The following PSG3 variants were observed in gnomAD, a reference collection of about 807,000 sequenced individuals.
PSG3 encodes pregnancy specific beta-1-glycoprotein 3, also known as pregnancy-specific beta-1-glycoprotein 3.
Under a neutral mutation model 47.5 loss-of-function variants are expected in PSG3, and 61 were observed. The observed-to-expected ratio is 1.28, with a 90% CI of 1.05 to 1.59. PSG3 has a LOEUF of 1.59. Ranked by LOEUF, PSG3 falls within the 40% of genes most tolerant of loss-of-function variation. The probability of loss-of-function intolerance (pLI) is 0.00; values close to 1 mark genes in which losing one functional copy is unlikely to be tolerated. For synonymous variants in PSG3, 263 were observed against 198.4 expected (o/e 1.33, Z -2.74); for missense variants, 756 against 524.0 (o/e 1.44, Z -4.32).
chr19:42,736,333 C>T (rs531042681), intron 2 of PSG3, among the ~76,000 whole-genome samples: 1 of 152,162 alleles, frequency 6.6e-6, no homozygotes, highest in Non-Finnish European at 1.5e-5. Flanking sequence ...ACCGGCTGAC[C>T]TCATCCATAC....
In PSG3 at chr19:42,740,398, T is replaced by A. The variant is rs1568757889; in HGVS notation, c.-14A>T. ...GAGGGGCCCCATGGTCTCTGCTGCC[T>A]GCGTGTTCTCCTCTGTGGAGCTGAG... is the stretch of plus-strand genomic sequence containing the variant. On this transcript the variant is annotated 5_prime_UTR_variant, in exon 1 of 7. Transcript: ENST00000327495. The A allele has an allele frequency of 1.2e-6, 2 of 1,613,906 alleles. No homozygotes were observed. The highest frequency in any genetic ancestry group is 4.5e-5 in the East Asian group (2 of 44,888).
intron 2 of PSG3, among the ~76,000 whole-genome samples, 174 bp from the exon 3 acceptor site, chr19:42,733,236 G>T (rs1490672187): frequency 6.6e-6 from 1 of 152,104 alleles, no homozygotes; most frequent in African/African-American, 2.4e-5. Context: ...CTCAGAGATT[G>T]TGAGGCTGCC....
Position 42,726,195 on chromosome 19 carries a change from C to T in PSG3, c.1244-2170G>A, listed in dbSNP as rs142200101. 6.7e-3 allele frequency among the ~76,000 whole-genome samples: 1,025 copies of T among 152,204 alleles called. 16 individuals are homozygous for T. The highest frequency in any genetic ancestry group is 0.024 in the African/African-American group (984 of 41,532). On this transcript the variant is annotated intron_variant, in intron 5 of 6. Transcript: ENST00000327495. ...AACCCAATGCTAACATCATACTCAA[C>T]GGAGAAAGACTGAAAGCTTTCCCTG... is the stretch of plus-strand genomic sequence containing the variant.
intron 3 of PSG3, 50 bp downstream of exon 3, chr19:42,732,734 C>T (rs764329040): frequency 7.8e-5 from 126 of 1,613,942 alleles, no homozygotes; most frequent in African/African-American, 1.3e-4. Flanking sequence ...CCTCTGGCCA[C>T]GTGTATTTGG....
Position 42,739,006 on chromosome 19 carries a change from C to A in PSG3, c.148G>T (p.Asp50Tyr). 2 of 1,613,980 alleles carry A rather than the reference C, an allele frequency of 1.2e-6. No individual in the cohort carries two copies. The highest frequency in any genetic ancestry group is 1.7e-6 in the Non-Finnish European group (2 of 1,179,942). Residue 50 changes from aspartate to tyrosine, a missense_variant, in exon 2 of 7, where the codon GAC becomes TAC. Physicochemically the swap from Asp to Tyr is radical, Grantham distance 160 (BLOSUM62 -3). Transcript: ENST00000327495. ...AEPTKVSKGK[D>Y]VLLLVHNLPQ... ...AAATTGTGGACAAGTAGAAGAACGTCCTTCCCCTTGGAAACTTTGGTTGGC... is the reference window on the plus strand; with the variant it reads ...AAATTGTGGACAAGTAGAAGAACGTACTTCCCCTTGGAAACTTTGGTTGGC...
Position 42,724,037 on chromosome 19 carries a change from A to T in PSG3, c.1244-12T>A. On this transcript the variant is annotated splice_polypyrimidine_tract_variant and intron_variant, in intron 5 of 6. Transcript: ENST00000327495. ...TGTTCCTGAAGGAGCTGTCATGGAA[A>T]AAAAAGAAAAGAAGGAATGAAGATG... The T allele has an allele frequency of 1.2e-6, 2 of 1,608,442 alleles. No individual in the cohort carries two copies. Among genetic ancestry groups the T allele is most frequent in the Non-Finnish European group, 1.7e-6 (2 of 1,174,852 alleles).
chr19:42,726,756 A>G (rs942090817), intron 5 of PSG3, among the ~76,000 whole-genome samples: 6 of 152,178 alleles, frequency 3.9e-5, no homozygotes, highest in African/African-American at 1.4e-4. Flanking sequence ...TCAGAATCTC[A>G]GTGACATTTT....
intron 6 of PSG3, among the ~76,000 whole-genome samples, chr19:42,723,371 G>A (rs1969326584): frequency 6.6e-6 from 1 of 152,176 alleles, no homozygotes; most frequent in African/African-American, 2.4e-5. Flanking sequence ...AAGGGACAGG[G>A]GTGTGTAGGA....
At chr19:42,729,746 T>C (rs1195250063) in intron 4 of PSG3, 32 bp downstream of exon 4, 4 of 1,588,258 alleles carry the variant, frequency 2.5e-6, no homozygotes, top group Non-Finnish European at 2.6e-6. Context: ...TAAGCTGGTG[T>C]CCTGGCCCAC....
chr19:42,724,646 T>C (rs557247441), intron 5 of PSG3, among the ~76,000 whole-genome samples: 1 of 152,322 alleles, frequency 6.6e-6, no homozygotes, highest in East Asian at 1.9e-4. Context: ...GAATCAGCTC[T>C]GCATAGTGGT....
Position 42,729,152 on chromosome 19 carries a change from C to A in PSG3, c.1214G>T (p.Ser405Ile), listed in dbSNP as rs78863189. Residue 405 changes from serine to isoleucine, a missense_variant, in exon 5 of 7, where the codon AGC (serine) becomes ATC (isoleucine). Physicochemically the swap from Ser to Ile is moderately radical, Grantham distance 142. Transcript: ENST00000327495. The stretch of plus-strand genomic sequence containing the variant: ...GACTTTGACTGTCATGGATTTGGAG[C>A]TTTCCATGCCAGTGGCTGAGTTACG... ...SVRNSATGME[S>I]SKSMTVKVSA... is the part of the protein sequence containing the mutation. The A allele has an allele frequency of 0.053, 85,509 of 1,613,970 alleles. 2,716 individuals are homozygous for A. The highest frequency in any genetic ancestry group is 0.12 in the Admixed American group (7,121 of 60,018).
intron 2 of PSG3, among the ~76,000 whole-genome samples, chr19:42,737,298 A>AG (rs1969580974): frequency 6.6e-6 from 1 of 152,220 alleles, no homozygotes. Context: ...TCTGCATGCA[A>AG]ATTCAGTCTC....
At chr19:42,739,810 G>C (rs1352836463) in intron 1 of PSG3, among the ~76,000 whole-genome samples, 1 of 152,178 alleles carries the variant, frequency 6.6e-6, no homozygotes, top group Non-Finnish European at 1.5e-5. Context: ...GATTAATCAG[G>C]AAAACAGAAC....
Position 42,724,014 on chromosome 19 carries a change from T to C in PSG3, c.1255A>G (p.Thr419Ala). Reference sequence around the variant, plus strand: ...GGATTAAGGCCAGGAAGATGTCCTGTTCCTGAAGGAGCTGTCATGGAAAAA... The same window carrying C: ...GGATTAAGGCCAGGAAGATGTCCTGCTCCTGAAGGAGCTGTCATGGAAAAA... ...MTVKVSAPSG[T>A]GHLPGLNPL Residue 419 changes from threonine (T) to alanine (A), a missense_variant, in exon 6 of 7, where the codon ACA becomes GCA. By Grantham distance (58) the Thr-to-Ala change is moderately conservative. Transcript: ENST00000327495. 1.2e-6 allele frequency: 2 copies of C among 1,611,864 alleles called. No individual in the cohort carries two copies. Among genetic ancestry groups the C allele is most frequent in the Non-Finnish European group, 1.7e-6 (2 of 1,177,908 alleles).
At chr19:42,731,423 T>A (rs1969471636) in intron 3 of PSG3, among the ~76,000 whole-genome samples, 3 of 152,362 alleles carry the variant, frequency 2.0e-5, no homozygotes, top group African/African-American at 7.2e-5. Context: ...CCCTTTTTTT[T>A]TCTCTCACCA....
At position 42,738,958 on chromosome 19, in the gene PSG3, T is replaced by C. The variant is rs1485095240; in HGVS notation, c.196A>G (p.Ile66Val). ...TCCTTCATTTGCCCTTTGTACCAGATGTAGCCAGCAAGATTCTGGGGCAAA... is the reference window on the plus strand; with the variant it reads ...TCCTTCATTTGCCCTTTGTACCAGACGTAGCCAGCAAGATTCTGGGGCAAA... ...HNLPQNLAGY[I>V]WYKGQMKDLY... The change falls in exon 2 of 7, where the codon ATC (isoleucine) becomes GTC (valine). Residue 66 changes from isoleucine (I) to valine (V), a missense_variant. Ile to Val is a conservative substitution (Grantham distance 29). Transcript: ENST00000327495. 6.2e-7 allele frequency: 1 copy of C among 1,614,082 alleles called. No homozygotes were observed. The highest frequency in any genetic ancestry group is 2.2e-5 in the East Asian group (1 of 44,876).
intron 2 of PSG3, among the ~76,000 whole-genome samples, chr19:42,736,652 GTGTGT>G (rs1969568797): frequency 6.7e-6 from 1 of 150,270 alleles, no homozygotes; most frequent in African/African-American, 2.4e-5. Flanking sequence ...GTGTGTGTGT[GTGTGT>G]GTGCAGGAGG....
At chr19:42,736,250 T>C (rs1295293577) in intron 2 of PSG3, among the ~76,000 whole-genome samples, 1 of 152,218 alleles carries the variant, frequency 6.6e-6, no homozygotes, top group East Asian at 1.9e-4. Context: ...TAATTGCTCC[T>C]ATAGATAACA....
chr19:42,730,606 G>A (rs1171813407), intron 3 of PSG3, among the ~76,000 whole-genome samples: 1 of 152,232 alleles, frequency 6.6e-6, no homozygotes, highest in Non-Finnish European at 1.5e-5. Context: ...AATCAAGCCT[G>A]GAGGTCAGTT....
Sources: allele counts gnomAD v4.1 joint callset (sites outside exome capture counted in the v4.1 genomes callset), GRCh38; gene constraint gnomAD v4.1.1; transcripts MANE v1.5; gene names NCBI Gene and HGNC (gene_info 2026-07-23, HGNC 2026-07-21).